The following EML6 variants were observed in gnomAD, a reference collection of about 807,000 sequenced individuals.
EML6 encodes the protein EMAP like 6.
A neutral mutation model predicts 240.1 loss-of-function variants in EML6; 154 were observed. That is an observed-to-expected ratio of 0.64 (90% CI 0.56 to 0.73). The LOEUF (loss-of-function observed/expected upper bound fraction) is 0.73, where lower values mean the gene tolerates loss of function less well. EML6 is among the 30% of genes least tolerant of loss of function. EML6 has a pLI of 0.00. For synonymous variants in EML6, 1,148 were observed against 899.0 expected (o/e 1.28, Z -4.95); for missense variants, 2,964 against 2,474.6 (o/e 1.20, Z -4.20).
At chr2:54,727,924 T>C (rs1230062678) in intron 2 of EML6, among the ~76,000 whole-genome samples, 1 of 152,170 alleles carries the variant, frequency 6.6e-6, no homozygotes, top group Non-Finnish European at 1.5e-5. Context: ...AATAATAATG[T>C]AGGTTTTGGC....
chr2:54,903,463 G>C lies in EML6; in HGVS notation c.3370G>C (p.Ala1124Pro), dbSNP rs778094469. Residue 1124 changes from alanine to proline, a missense_variant, in exon 24 of 42, where the codon GCT becomes CCT. Physicochemically the swap from Ala to Pro is conservative, Grantham distance 27. Transcript: ENST00000356458. ...CAAAAGGGTTGGCATCTGTAAAGGT[G>C]CTTCTAGTTATATTACACACATTGA... ...TSKRVGICKG[A>P]SSYITHIDWD... 2 of 1,551,972 alleles carry C rather than the reference G, an allele frequency of 1.3e-6. No individual in the cohort carries two copies. Among genetic ancestry groups the C allele is most frequent in the African/African-American group, 1.4e-5 (1 of 73,164 alleles).
chr2:54,876,901 C>T (rs1671534619), intron 16 of EML6, among the ~76,000 whole-genome samples: 1 of 152,076 alleles, frequency 6.6e-6, no homozygotes, highest in South Asian at 2.1e-4. Context: ...TAGCTATAGT[C>T]ACCTTAATAT....
chr2:54,830,887 A>G (rs1430162262), intron 7 of EML6, among the ~76,000 whole-genome samples: 1 of 152,184 alleles, frequency 6.6e-6, no homozygotes, highest in Non-Finnish European at 1.5e-5. Flanking sequence ...GCTGGTGTGC[A>G]TACGTTTCTG....
intron 2 of EML6, among the ~76,000 whole-genome samples, chr2:54,746,670 C>T (rs2288683): frequency 0.33 from 50,517 of 151,912 alleles, 9,811 homozygotes; most frequent in Middle Eastern, 0.46. Context: ...TCTCTTTAAG[C>T]GACTTTTTTG....
chr2:54,924,972 T>A, intron 26 of EML6, among the ~76,000 whole-genome samples: 1 of 152,250 alleles, frequency 6.6e-6, no homozygotes, highest in Non-Finnish European at 1.5e-5. Context: ...CTAACTGCTA[T>A]CACTCTGTTG....
rs566540184 is a variant in EML6, at chr2:54,782,109, GTAATAAAACATT to G, written c.198-31119_198-31108del. Among the ~76,000 whole-genome samples the G allele has an allele frequency of 9.9e-5, 15 of 152,260 alleles. No individual in the cohort carries two copies. In the East Asian group the frequency reaches 2.5e-3, roughly 25 times the overall value. Reference sequence around the variant, plus strand: ...GTATTGTATTGAAACTAGGCACAAAGTAATAAAACATTTAAAATAAGTCTATGTTCTAACTAA... The same window carrying G: ...GTATTGTATTGAAACTAGGCACAAAGTAAAATAAGTCTATGTTCTAACTAA... On this transcript the variant is annotated intron_variant, in intron 2 of 41. Transcript: ENST00000356458.
rs539228209 is a variant in EML6 at position 54,934,673 on chromosome 2, C to G, written c.4004+5922C>G. On this transcript the variant is annotated intron_variant, in intron 28 of 41. Transcript: ENST00000356458. ...CAAGCAATTCTCCCACTTCAGTCCCCCAAGTACCTGGGACTAGGACTACAG... is the reference window on the plus strand; with the variant it reads ...CAAGCAATTCTCCCACTTCAGTCCCGCAAGTACCTGGGACTAGGACTACAG... Among the ~76,000 whole-genome samples the G allele has an allele frequency of 3.6e-4, 55 of 152,164 alleles. 1 individual carries two copies. The South Asian group carries it at 0.01, about 29-fold the overall frequency.
intron 38 of EML6, 198 bp from the exon 39 acceptor site, chr2:54,966,802 T>G: frequency 2.4e-6 from 1 of 411,286 alleles, no homozygotes; most frequent in Non-Finnish European, 4.5e-6. Flanking sequence ...AGAAAATGGA[T>G]GAGAAGAAAG....
intron 9 of EML6, 23 bp downstream of exon 9, chr2:54,847,646 G>T: frequency 1.3e-6 from 2 of 1,550,226 alleles, no homozygotes; most frequent in Non-Finnish European, 8.7e-7. Context: ...GTTGAAAATG[G>T]TATTTAGAAA....
rs745623400 is a variant in EML6, at chr2:54,899,712, T to G, written c.3054T>G (p.Asp1018Glu). ...PLLPICATVS[D>E]DKTLRIWELS... Reference sequence around the variant, plus strand: ...TGCCCATCTGTGCAACAGTGAGCGATGATAAAACACTTCGCATCTGGGAAC... The same window carrying G: ...TGCCCATCTGTGCAACAGTGAGCGAGGATAAAACACTTCGCATCTGGGAAC... Residue 1018 changes from aspartate (D) to glutamate (E), a missense_variant, in exon 22 of 42, where the codon GAT (aspartate) becomes GAG (glutamate). Physicochemically the swap from Asp to Glu is conservative, Grantham distance 45 (BLOSUM62 2). Transcript: ENST00000356458. 6.4e-7 allele frequency: 1 copy of G among 1,552,232 alleles called. No homozygotes were observed. Among genetic ancestry groups the G allele is most frequent in the Non-Finnish European group, 8.7e-7 (1 of 1,147,320 alleles).
chr2:54,854,446 G>A (rs928039124), intron 11 of EML6, among the ~76,000 whole-genome samples: 8 of 152,300 alleles, frequency 5.3e-5, no homozygotes, highest in Admixed American at 1.3e-4. Context: ...ACACTCAAGC[G>A]TTGTAGAAGG....
rs552572577 is a variant in EML6, at chr2:54,863,733, C to A, written c.1826-50C>A. The A allele has an allele frequency of 1.2e-4, 106 of 900,968 alleles. No individual in the cohort carries two copies. In the African/African-American group the frequency reaches 1.8e-3, roughly 15 times the overall value. 55.8% of individuals were successfully genotyped at this position (900,968 alleles called of 1,614,324 possible). ...AAAATATTTTAGATAATTTCAGTTGCTCAGAGTCTCAGAATTTTTGCTTGT... is the reference window on the plus strand; with the variant it reads ...AAAATATTTTAGATAATTTCAGTTGATCAGAGTCTCAGAATTTTTGCTTGT... On this transcript the variant is annotated intron_variant, in intron 12 of 41. Transcript: ENST00000356458.
chr2:54,915,880 T>C (rs1673883717), intron 25 of EML6, among the ~76,000 whole-genome samples: 1 of 152,182 alleles, frequency 6.6e-6, no homozygotes, highest in Non-Finnish European at 1.5e-5. Flanking sequence ...TAAGGTATAA[T>C]AGCAGATGTT....
chr2:54,917,033 A>T (rs1264798863), intron 26 of EML6, 98 bp downstream of exon 26: 1 of 871,746 alleles, frequency 1.1e-6, no homozygotes, highest in Non-Finnish European at 1.7e-6. Flanking sequence ...GTCATAAGCA[A>T]TTCACATTAT....
At chr2:54,907,423 G>A (rs562198649) in intron 24 of EML6, among the ~76,000 whole-genome samples, 3 of 152,252 alleles carry the variant, frequency 2.0e-5, no homozygotes, top group Non-Finnish European at 2.9e-5. Flanking sequence ...CAGGAGAATC[G>A]CTTGAACCGG....
chr2:54,829,260 T>G (rs887781282), intron 6 of EML6, 82 bp from the exon 7 acceptor site: 36 of 1,360,804 alleles, frequency 2.6e-5, no homozygotes, highest in Non-Finnish European at 2.0e-6. Flanking sequence ...ACTTGCTATG[T>G]TTTTAAATCA....
intron 26 of EML6, among the ~76,000 whole-genome samples, chr2:54,925,084 T>C (rs1674471657): frequency 6.6e-6 from 1 of 152,158 alleles, no homozygotes; most frequent in African/African-American, 2.4e-5. Flanking sequence ...ATAGGTCATT[T>C]AGGGAAGTAA....
rs113760955 is a variant in EML6, at chr2:54,794,383, T to G, written c.198-18849T>G. ...TTATTGATATTATACAAATTTTTCT[T>G]AGCAAAATTCTTAATTTGACCCCTT... On this transcript the variant is annotated intron_variant, in intron 2 of 41. Coordinates refer to ENST00000356458, the MANE Select transcript of EML6 (RefSeq NM_001039753.4). 1.6e-3 allele frequency among the ~76,000 whole-genome samples: 249 copies of G among 152,294 alleles called. 1 individual carries two copies. The highest frequency in any genetic ancestry group is 5.7e-3 in the African/African-American group (237 of 41,556).
intron 3 of EML6, among the ~76,000 whole-genome samples, chr2:54,813,894 A>G (rs1450786311): frequency 2.0e-5 from 3 of 152,108 alleles, no homozygotes; most frequent in African/African-American, 4.8e-5. Flanking sequence ...TCTATCATCA[A>G]TTCCTGGGTA....
Sources: gnomAD v4.1 joint callset for allele counts (sites outside exome capture counted in the v4.1 genomes callset) on GRCh38, gnomAD v4.1.1 for gene constraint, MANE v1.5 for transcripts, NCBI Gene and HGNC (gene_info 2026-07-23, HGNC 2026-07-21) for gene names.